Variants in FSTL5 observed in about 807,000 individuals in gnomAD.
FSTL5 encodes the protein follistatin-related protein 5.
In FSTL5, 62 loss-of-function variants were observed where a neutral mutation model predicts 89.1. The ratio of observed to expected loss-of-function variants is 0.70; its 90% CI spans 0.57 to 0.86. FSTL5 has a LOEUF of 0.86. Among genes scored for constraint, FSTL5 ranks in the 40% least tolerant of loss-of-function variants. The probability of loss-of-function intolerance (pLI) is 0.00; values close to 1 mark genes in which losing one functional copy is unlikely to be tolerated. For synonymous variants in FSTL5, 383 were observed against 346.2 expected, an observed-to-expected ratio of 1.11 and a Z score of -1.18; for missense variants, 1,057 against 1,001.6, an observed-to-expected ratio of 1.06 and a Z score of -0.75.
intron 15 of FSTL5, among the ~76,000 whole-genome samples, chr4:161,449,508 T>C (rs191435468): frequency 1.4e-4 from 22 of 152,310 alleles, no homozygotes; most frequent in African/African-American, 5.3e-4. Flanking sequence ...CCCAAGTTTA[T>C]GCCTTCTCTT....
chr4:162,074,870 T>C (rs1729772658), intron 2 of FSTL5, among the ~76,000 whole-genome samples: 1 of 151,782 alleles, frequency 6.6e-6, no homozygotes, highest in African/African-American at 2.4e-5. Context: ...TACCTTAGCC[T>C]AGCCCACCTT....
intron 2 of FSTL5, among the ~76,000 whole-genome samples, chr4:162,104,112 T>C (rs1353230297): frequency 6.6e-6 from 1 of 152,226 alleles, no homozygotes; most frequent in Admixed American, 6.5e-5. Flanking sequence ...CACTGCTGAC[T>C]TCCATCCCTC....
intron 3 of FSTL5, among the ~76,000 whole-genome samples, chr4:162,021,144 A>T (rs866571390): frequency 6.6e-6 from 1 of 152,156 alleles, no homozygotes; most frequent in African/African-American, 2.4e-5. Flanking sequence ...TCAAATGTTG[A>T]GAAGACAGAA....
intron 1 of FSTL5, among the ~76,000 whole-genome samples, chr4:162,162,168 A>G (rs1434555133): frequency 1.3e-5 from 2 of 152,160 alleles, no homozygotes; most frequent in Admixed American, 6.5e-5. Context: ...TGTAGTAAAT[A>G]CAATGAAAAA....
intron 6 of FSTL5, among the ~76,000 whole-genome samples, chr4:161,698,086 C>T (rs536409657): frequency 1.6e-4 from 25 of 152,114 alleles, no homozygotes; most frequent in African/African-American, 6.0e-4. Context: ...GGACAGAGCC[C>T]TCATGAATGA....
In FSTL5 at chr4:161,634,880, T is replaced by A. The variant is rs146222762; in HGVS notation, c.894+21448A>T. Among the ~76,000 whole-genome samples the A allele has an allele frequency of 4.0e-3, 603 of 152,252 alleles. 2 individuals are homozygous for A. The highest frequency in any genetic ancestry group is 0.017 in the Middle Eastern group (5 of 294). On this transcript the variant is annotated intron_variant, in intron 7 of 15. Coordinates refer to ENST00000306100, the MANE Select transcript of FSTL5 (RefSeq NM_020116.5). ...TAAGAGAATATGCTAATTATTATCATCACACACACACAAAATGGTAACTCT... is the reference window on the plus strand; with the variant it reads ...TAAGAGAATATGCTAATTATTATCAACACACACACACAAAATGGTAACTCT...
chr4:161,689,716 A>G (rs1170194224), intron 6 of FSTL5, among the ~76,000 whole-genome samples: 1 of 152,124 alleles, frequency 6.6e-6, no homozygotes, highest in Non-Finnish European at 1.5e-5. Context: ...TATATTCACA[A>G]TGCTGTGAAA....
At chr4:161,915,902 C>T (rs1463074803) in intron 4 of FSTL5, among the ~76,000 whole-genome samples, 2 of 151,864 alleles carry the variant, frequency 1.3e-5, no homozygotes, top group Middle Eastern at 3.4e-3. Flanking sequence ...TACAAAGGTG[C>T]CCTTATTTAA....
At chr4:161,618,613 T>C (rs1408656945) in intron 7 of FSTL5, among the ~76,000 whole-genome samples, 1 of 152,174 alleles carries the variant, frequency 6.6e-6, no homozygotes, top group Non-Finnish European at 1.5e-5. Flanking sequence ...TCTGTTTATA[T>C]GCTGGATTAC....
At chr4:161,620,559 G>A (rs982865126) in intron 7 of FSTL5, among the ~76,000 whole-genome samples, 2 of 152,156 alleles carry the variant, frequency 1.3e-5, no homozygotes, top group African/African-American at 2.4e-5. Context: ...GGGAAGCTGA[G>A]GTAGGAGAAT....
chr4:161,925,852 T>C (rs1176566985), intron 3 of FSTL5, among the ~76,000 whole-genome samples: 3 of 151,998 alleles, frequency 2.0e-5, no homozygotes, highest in Middle Eastern at 3.4e-3. Context: ...GTTCTCAAAA[T>C]ATACTCTTAA....
chr4:161,996,255 G>A (rs1467855988), intron 3 of FSTL5, among the ~76,000 whole-genome samples: 2 of 152,198 alleles, frequency 1.3e-5, no homozygotes, highest in East Asian at 1.9e-4. Context: ...TGACTCCAGT[G>A]GGTGGCTGCA....
intron 12 of FSTL5, among the ~76,000 whole-genome samples, chr4:161,485,236 TCCTATTATTTAAATTATTTCTG>T (rs1430796408): frequency 6.6e-6 from 1 of 152,250 alleles, no homozygotes; most frequent in East Asian, 1.9e-4. Context: ...ATCATTTTTG[TCCTATTATTTAAATTATTTCTG>T]CCTGTGGCAG....
intron 3 of FSTL5, among the ~76,000 whole-genome samples, chr4:161,977,559 G>A (rs913108011): frequency 1.0e-4 from 15 of 144,738 alleles, no homozygotes; most frequent in African/African-American, 3.6e-4. Context: ...CTTGCAGTGA[G>A]CCGAGATCAC....
intron 10 of FSTL5, among the ~76,000 whole-genome samples, chr4:161,529,622 A>G (rs1319770658): frequency 7.0e-6 from 1 of 142,088 alleles, no homozygotes; most frequent in Non-Finnish European, 1.5e-5. Flanking sequence ...ATTAGTATAT[A>G]TTCTCTATAG....
chr4:161,927,346 C>T (rs1419912416), intron 3 of FSTL5, among the ~76,000 whole-genome samples: 1 of 150,058 alleles, frequency 6.7e-6, no homozygotes, highest in African/African-American at 2.5e-5. Flanking sequence ...TAGATATTCT[C>T]AAATGAGAAA....
chr4:161,984,189 T>G, intron 3 of FSTL5, among the ~76,000 whole-genome samples: 1 of 152,022 alleles, frequency 6.6e-6, no homozygotes, highest in East Asian at 1.9e-4. Flanking sequence ...GAAATATGGG[T>G]TTCTCTATAC....
At chr4:161,474,719 G>A (rs559783481) in intron 13 of FSTL5, among the ~76,000 whole-genome samples, 13 of 151,706 alleles carry the variant, frequency 8.6e-5, no homozygotes, top group South Asian at 6.2e-4. Flanking sequence ...CTAATTTTTC[G>A]TATTTTTGGT....
At chr4:161,832,427 A>G (rs754044073) in intron 4 of FSTL5, among the ~76,000 whole-genome samples, 1 of 151,978 alleles carries the variant, frequency 6.6e-6, no homozygotes, top group African/African-American at 2.4e-5. Flanking sequence ...CTCTTTTTCT[A>G]TTGATTGGAA....
Sources: gnomAD v4.1 joint callset for allele counts (sites outside exome capture counted in the v4.1 genomes callset) on GRCh38, gnomAD v4.1.1 for gene constraint, MANE v1.5 for transcripts, NCBI Gene and HGNC (gene_info 2026-07-23, HGNC 2026-07-21) for gene names.